FAHD2B: variants seen among roughly 807,000 people sequenced by gnomAD.
The protein encoded by FAHD2B is fumarylacetoacetate hydrolase domain containing 2B.
A neutral mutation model predicts 33.7 loss-of-function variants in FAHD2B; 26 were observed. The ratio of observed to expected loss-of-function variants is 0.77; its 90% CI spans 0.57 to 1.07. The LOEUF (loss-of-function observed/expected upper bound fraction) is 1.07, where lower values mean the gene tolerates loss of function less well. Among genes scored for constraint, FAHD2B ranks in the 50% least tolerant of loss-of-function variants. FAHD2B has a pLI of 0.00. For missense variants in FAHD2B, 272 were observed against 388.1 expected (o/e 0.70, Z 2.51); for synonymous variants, 108 against 150.9 (o/e 0.72, Z 2.08).
At chr2:97,090,524 G>A (rs1485776616) in intron 3 of FAHD2B, among the ~76,000 whole-genome samples, 199 bp from the exon 4 acceptor site, 5 of 152,042 alleles carry the variant, frequency 3.3e-5, no homozygotes, top group African/African-American at 1.2e-4. Context: ...ATCCAGTATT[G>A]ATTTCCTCTC....
At chr2:97,087,863 A>G (rs2032091398) in intron 4 of FAHD2B, among the ~76,000 whole-genome samples, 1 of 152,102 alleles carries the variant, frequency 6.6e-6, no homozygotes, top group Non-Finnish European at 1.5e-5. Context: ...GCGTCTTCAC[A>G]ATGGAGGGAC....
chr2:97,086,348 G>C, intron 4 of FAHD2B, 150 bp from the exon 5 acceptor site: 1 of 1,157,054 alleles, frequency 8.6e-7, no homozygotes, highest in Non-Finnish European at 1.2e-6. Flanking sequence ...TGAATGACAA[G>C]GGAGGTGTGA....
intron 1 of FAHD2B, among the ~76,000 whole-genome samples, chr2:97,092,777 C>T (rs1472579517): frequency 1.3e-5 from 2 of 151,802 alleles, no homozygotes; most frequent in South Asian, 2.1e-4. Context: ...TCAAGACCAG[C>T]CTGGCCAACA....
intron 1 of FAHD2B, among the ~76,000 whole-genome samples, chr2:97,092,758 G>C (rs1278832809): frequency 1.3e-5 from 2 of 151,970 alleles, no homozygotes; most frequent in Admixed American, 1.3e-4. Context: ...ATCACTTGAG[G>C]TCAGGAGTTC....
chr2:97,082,537 C>T (rs958872692), downstream of FAHD2B: 1 of 1,600,570 alleles, frequency 6.2e-7, no homozygotes, highest in Non-Finnish European at 8.5e-7. Context: ...CCCTGCCAGA[C>T]AGTGACAACC....
At chr2:97,088,245 C>A (rs1048952131) in intron 4 of FAHD2B, among the ~76,000 whole-genome samples, 1 of 152,038 alleles carries the variant, frequency 6.6e-6, no homozygotes, top group Non-Finnish European at 1.5e-5. Context: ...ACACTCAAAG[C>A]GTAATATTTA....
downstream of FAHD2B, chr2:97,082,574 TACAG>T (rs2031688195): frequency 1.1e-5 from 18 of 1,580,574 alleles, no homozygotes; most frequent in Admixed American, 1.8e-5. Flanking sequence ...GGCTGCAGAG[TACAG>T]ACAGTCTTCT....
intron 1 of FAHD2B, among the ~76,000 whole-genome samples, chr2:97,094,420 ACT>A (rs1469426195): frequency 8.0e-6 from 1 of 125,444 alleles, no homozygotes; most frequent in Non-Finnish European, 1.7e-5. Flanking sequence ...GCTCAATCCA[ACT>A]CTGCAAGAGT....
intron 2 of FAHD2B, 44 bp from the exon 3 acceptor site, chr2:97,091,756 G>A: frequency 6.4e-7 from 1 of 1,574,250 alleles, no homozygotes; most frequent in Non-Finnish European, 8.6e-7. Flanking sequence ...GGATCTCAGA[G>A]CCATCATCAG....
At chr2:97,085,894 G>A in intron 5 of FAHD2B, 33 bp from the exon 6 acceptor site, 1 of 1,613,134 alleles carries the variant, frequency 6.2e-7, no homozygotes, top group South Asian at 1.1e-5. Flanking sequence ...CATACAGGAG[G>A]TTAGATCACG....
In FAHD2B at chr2:97,091,641, T is replaced by C. The variant is rs760878256; in HGVS notation, c.66A>G (p.Gln22=). 9 of 1,613,512 alleles carry C rather than the reference T, an allele frequency of 5.6e-6. No homozygotes were observed. In the African/African-American group the frequency reaches 1.1e-4, roughly 19 times the overall value. ...GCACTAGTCTCATGTCTCTGGAGGG[T>C]TGAAAGGGCCACTTCTGAGCCTGCA... The part of the protein sequence containing the change: ...ALLQAQKWPF[Q]PSRDMRLVQF... The change falls in exon 3 of 9, where the codon CAA becomes CAG. Residue 22 remains glutamine, a synonymous_variant. Transcript: ENST00000414820.
downstream of FAHD2B, chr2:97,082,776 C>T (rs1466561758): frequency 6.8e-6 from 10 of 1,469,492 alleles, no homozygotes; most frequent in Middle Eastern, 1.7e-4. Flanking sequence ...GAGCCAGTGT[C>T]ACCATCTTCT....
intron 6 of FAHD2B, among the ~76,000 whole-genome samples, chr2:97,085,115 C>T (rs984051765): frequency 9.9e-5 from 15 of 151,852 alleles, no homozygotes; most frequent in Admixed American, 7.2e-4. Flanking sequence ...TTAACTTTGC[C>T]GAGGACTCTG....
At chr2:97,088,988 C>G (rs1359645987) in intron 4 of FAHD2B, among the ~76,000 whole-genome samples, 1 of 151,972 alleles carries the variant, frequency 6.6e-6, no homozygotes, top group Non-Finnish European at 1.5e-5. Flanking sequence ...TACAGTGAAA[C>G]CAGGTGAAAA....
At chr2:97,091,315 G>A in intron 3 of FAHD2B, 147 bp downstream of exon 3, 1 of 1,134,668 alleles carries the variant, frequency 8.8e-7, no homozygotes, top group South Asian at 1.7e-5. Flanking sequence ...GATTTCTAAG[G>A]ATCTTTTAAG....
chr2:97,079,871 G>C (rs2031586547), downstream of FAHD2B, among the ~76,000 whole-genome samples: 1 of 151,884 alleles, frequency 6.6e-6, no homozygotes, highest in Admixed American at 6.6e-5. Flanking sequence ...CATCATGTTG[G>C]CCAGGCTGGT....
In FAHD2B at chr2:97,090,265, G is replaced by A; in HGVS notation, c.306C>T (p.Val102=). The change falls in exon 4 of 9, where the codon GTC becomes GTT. Residue 102 remains valine (V), a synonymous_variant. Transcript: ENST00000414820. The stretch of plus-strand genomic sequence containing the variant: ...CACACACCACCTTATCTGGCCATGT[G>A]ACTGGAGCCAGGAAGGTTACCTCCG... ...PWSEVTFLAP[V]TWPDKVVCVG... 1 of 1,613,186 alleles carries A rather than the reference G, an allele frequency of 6.2e-7. No individual in the cohort carries two copies. The highest frequency in any genetic ancestry group is 8.5e-7 in the Non-Finnish European group (1 of 1,179,638).
rs780481770 is a variant in FAHD2B, at chr2:97,084,126, T to C, written c.794+43A>G. On this transcript the variant is annotated intron_variant, in intron 7 of 8. Transcript: ENST00000414820. ...GGGCTCAGGTCAGCCTCCACATGTG[T>C]GGCAGGTGGAGCGGGGCTGGCAGGA... 3 of 1,612,268 alleles carry C rather than the reference T, an allele frequency of 1.9e-6. No individual in the cohort carries two copies. The South Asian group carries it at 3.3e-5, about 18-fold the overall frequency.
At chr2:97,079,569 C>A (rs2031578375), downstream of FAHD2B, among the ~76,000 whole-genome samples, 1 of 151,810 alleles carries the variant, frequency 6.6e-6, no homozygotes, top group Non-Finnish European at 1.5e-5. Context: ...GCATGTATGT[C>A]TTCTTTTGAA....
Sources: allele counts gnomAD v4.1 joint callset (sites outside exome capture counted in the v4.1 genomes callset), GRCh38; gene constraint gnomAD v4.1.1; transcripts MANE v1.5; gene names NCBI Gene and HGNC (gene_info 2026-07-23, HGNC 2026-07-21).